Variants in NECAB1 observed in about 807,000 individuals in gnomAD.
NECAB1 encodes N-terminal EF-hand calcium binding protein 1.
Under a neutral mutation model 57.5 loss-of-function variants are expected in NECAB1, and 29 were observed. The ratio of observed to expected loss-of-function variants is 0.50; its 90% CI spans 0.38 to 0.69. The LOEUF (loss-of-function observed/expected upper bound fraction) is 0.69. Among genes scored for constraint, NECAB1 ranks in the 30% least tolerant of loss-of-function variants. The pLI is 0.00. For missense variants in NECAB1, 372 were observed against 413.8 expected, an observed-to-expected ratio of 0.90 and a Z score of 0.88; for synonymous variants, 142 against 147.7, an observed-to-expected ratio of 0.96 and a Z score of 0.28.
intron 4 of NECAB1, among the ~76,000 whole-genome samples, chr8:90,876,438 G>A (rs1808728391): frequency 6.6e-6 from 1 of 151,860 alleles, no homozygotes; most frequent in Non-Finnish European, 1.5e-5. Flanking sequence ...CTAACTGCTT[G>A]AGAAGTTTAG....
At chr8:90,801,252 C>T (rs2130643718) in intron 1 of NECAB1, among the ~76,000 whole-genome samples, 1 of 152,184 alleles carries the variant, frequency 6.6e-6, no homozygotes, top group South Asian at 2.1e-4. Context: ...TCTTGTAATC[C>T]ACCCTCCCCT....
chr8:90,840,797 C>A (rs1232006353), intron 3 of NECAB1, among the ~76,000 whole-genome samples: 1 of 151,972 alleles, frequency 6.6e-6, no homozygotes, highest in Non-Finnish European at 1.5e-5. Flanking sequence ...GCAGTACCAG[C>A]GAAGCCAGAC....
intron 3 of NECAB1, among the ~76,000 whole-genome samples, chr8:90,857,170 A>T (rs549966978): frequency 1.3e-5 from 2 of 152,236 alleles, no homozygotes; most frequent in African/African-American, 4.8e-5. Context: ...AGGAAGGTAT[A>T]CCTGGAAGAG....
chr8:90,914,706 T>C (rs906257749), intron 5 of NECAB1, among the ~76,000 whole-genome samples: 14 of 152,234 alleles, frequency 9.2e-5, no homozygotes, highest in African/African-American at 2.2e-4. Context: ...TGATTTGCTA[T>C]GGTGGAGCAA....
intron 2 of NECAB1, chr8:90,813,135 C>T (rs1219589766): frequency 6.6e-6 from 1 of 152,102 alleles, no homozygotes; most frequent in Non-Finnish European, 1.5e-5. Context: ...TTTCAGTGAG[C>T]TGAGATCGTG....
At chr8:90,906,912 T>TATATATATGTATGTATGTA (rs1554574099) in intron 5 of NECAB1, among the ~76,000 whole-genome samples, 1 of 143,856 alleles carries the variant, frequency 7.0e-6, no homozygotes. Flanking sequence ...TATATATATC[T>TATATATATGTATGTATGTA]TCTCACTTTA....
At chr8:90,899,985 A>G (rs1320179458) in intron 5 of NECAB1, among the ~76,000 whole-genome samples, 1 of 152,196 alleles carries the variant, frequency 6.6e-6, no homozygotes, top group Non-Finnish European at 1.5e-5. Flanking sequence ...AATAAGCATT[A>G]CTAAAACAAC....
At chr8:90,813,984 C>T (rs1812016277) in intron 2 of NECAB1, among the ~76,000 whole-genome samples, 2 of 152,168 alleles carry the variant, frequency 1.3e-5, no homozygotes, top group South Asian at 2.1e-4. Flanking sequence ...CTAAAGTCCA[C>T]ACTTTGTTCA....
At chr8:90,915,678 C>T (rs1440960503) in intron 5 of NECAB1, among the ~76,000 whole-genome samples, 2 of 152,162 alleles carry the variant, frequency 1.3e-5, no homozygotes, top group African/African-American at 2.4e-5. Context: ...TAAAGTCCCA[C>T]ATAGGCCCTC....
intron 5 of NECAB1, among the ~76,000 whole-genome samples, chr8:90,890,083 T>C (rs1391344487): frequency 6.6e-6 from 1 of 152,212 alleles, no homozygotes; most frequent in Non-Finnish European, 1.5e-5. Context: ...CTGACATACA[T>C]GCCTATCCCT....
chr8:90,845,856 G>T (rs545958201), intron 3 of NECAB1, among the ~76,000 whole-genome samples: 12 of 152,248 alleles, frequency 7.9e-5, no homozygotes, highest in African/African-American at 2.9e-4. Flanking sequence ...TAAACAGCAG[G>T]GTGGTTTTTC....
chr8:90,798,378 T>G (rs1407970105), intron 1 of NECAB1, among the ~76,000 whole-genome samples: 1 of 152,196 alleles, frequency 6.6e-6, no homozygotes, highest in African/African-American at 2.4e-5. Context: ...AGATTTGGGG[T>G]ACAAATGATT....
intron 5 of NECAB1, among the ~76,000 whole-genome samples, chr8:90,910,288 A>G (rs1809797614): frequency 6.6e-6 from 1 of 152,024 alleles, no homozygotes; most frequent in Admixed American, 6.6e-5. Context: ...TCTTTCTGGT[A>G]TGCTTTCATT....
At chr8:90,895,561 G>T (rs1809306817) in intron 5 of NECAB1, among the ~76,000 whole-genome samples, 1 of 152,198 alleles carries the variant, frequency 6.6e-6, no homozygotes, top group African/African-American at 2.4e-5. Flanking sequence ...ATTAGCCTTT[G>T]CTCTCCAATC....
intron 3 of NECAB1, among the ~76,000 whole-genome samples, chr8:90,837,031 T>C (rs1040613786): frequency 6.6e-6 from 1 of 152,236 alleles, no homozygotes; most frequent in Non-Finnish European, 1.5e-5. Context: ...AGTTAATTGT[T>C]GATAAAATGC....
intron 6 of NECAB1, among the ~76,000 whole-genome samples, chr8:90,922,486 A>ATTTTTTTTTTTTTTTTTTT (rs577951495): frequency 3.5e-4 from 20 of 57,510 alleles, no homozygotes; most frequent in Admixed American, 8.9e-4. Context: ...AAAAACTTGG[A>ATTTTTTTTTTTTTTTTTTT]TTTTTTTTTT....
chr8:90,904,507 T>C (rs1563527035), intron 5 of NECAB1, among the ~76,000 whole-genome samples: 1 of 151,654 alleles, frequency 6.6e-6, no homozygotes, highest in African/African-American at 2.4e-5. Flanking sequence ...TTACGGTAGA[T>C]TAAATAGAGT....
At chr8:90,909,826 G>C (rs956287337) in intron 5 of NECAB1, among the ~76,000 whole-genome samples, 1 of 151,918 alleles carries the variant, frequency 6.6e-6, no homozygotes, top group African/African-American at 2.4e-5. Flanking sequence ...TACTTTCAGT[G>C]TTTAATATCA....
At position 90,908,190 on chromosome 8, in the gene NECAB1, T is replaced by C. The variant is rs545823186; in HGVS notation, c.358-9302T>C. 2.6e-5 allele frequency among the ~76,000 whole-genome samples: 4 copies of C among 152,310 alleles called. No individual in the cohort carries two copies. The South Asian group carries it at 6.2e-4, about 24-fold the overall frequency. ...GGAACAGTAACATTACAAATGAGTG[T>C]TATCCTTTGAGTATCATTTATGTCA... On this transcript the variant is annotated intron_variant, in intron 5 of 12. Coordinates refer to ENST00000417640, the MANE Select transcript of NECAB1 (RefSeq NM_022351.5).
Sources: gnomAD v4.1 joint callset for allele counts (sites outside exome capture counted in the v4.1 genomes callset) on GRCh38, gnomAD v4.1.1 for gene constraint, MANE v1.5 for transcripts, NCBI Gene and HGNC (gene_info 2026-07-23, HGNC 2026-07-21) for gene names.